The following TBC1D5 variants were observed in gnomAD, a reference collection of about 807,000 sequenced individuals.
TBC1D5 encodes TBC1 domain family, member 5.
A neutral mutation model predicts 100.3 loss-of-function variants in TBC1D5; 75 were observed. That is an observed-to-expected ratio of 0.75 (90% CI 0.62 to 0.91). The LOEUF is 0.91. Among genes scored for constraint, TBC1D5 ranks in the 40% least tolerant of loss-of-function variants. TBC1D5 has a pLI of 0.00. For missense variants in TBC1D5, 910 were observed against 942.4 expected, an observed-to-expected ratio of 0.97 and a Z score of 0.45; for synonymous variants, 323 against 325.6, an observed-to-expected ratio of 0.99 and a Z score of 0.09.
At chr3:17,543,546 G>C (rs998958594) in intron 2 of TBC1D5, among the ~76,000 whole-genome samples, 1 of 152,114 alleles carries the variant, frequency 6.6e-6, no homozygotes, top group African/African-American at 2.4e-5. Flanking sequence ...ACAAAGGTGG[G>C]AGGACTGATT....
chr3:17,291,839 A>C, intron 15 of TBC1D5, 56 bp downstream of exon 15: 2 of 1,474,140 alleles, frequency 1.4e-6, no homozygotes, highest in African/African-American at 1.4e-5. Flanking sequence ...CTCTACACAG[A>C]GAAGCCTATT....
intron 1 of TBC1D5, among the ~76,000 whole-genome samples, chr3:17,717,886 TA>T (rs2075365986): frequency 6.6e-6 from 1 of 152,218 alleles, no homozygotes; most frequent in African/African-American, 2.4e-5. Context: ...TTGATATTTT[TA>T]ATTTTTTTTT....
At chr3:17,615,177 G>A (rs1161825678) in intron 2 of TBC1D5, among the ~76,000 whole-genome samples, 2 of 152,164 alleles carry the variant, frequency 1.3e-5, no homozygotes, top group African/African-American at 4.8e-5. Flanking sequence ...TTTATGTGAT[G>A]AATTACTTTT....
intron 1 of TBC1D5, among the ~76,000 whole-genome samples, chr3:17,703,188 G>C (rs2073451156): frequency 6.6e-6 from 1 of 150,986 alleles, no homozygotes; most frequent in South Asian, 2.1e-4. Flanking sequence ...CTGATATAAA[G>C]AAAAAGAAAA....
At chr3:17,197,031 T>G (rs560240008) in intron 18 of TBC1D5, among the ~76,000 whole-genome samples, 1 of 152,272 alleles carries the variant, frequency 6.6e-6, no homozygotes, top group African/African-American at 2.4e-5. Context: ...AATGCCTACA[T>G]GCATGCAACA....
chr3:17,705,438 C>T (rs1248645382), intron 1 of TBC1D5, among the ~76,000 whole-genome samples: 1 of 147,936 alleles, frequency 6.8e-6, no homozygotes. Flanking sequence ...GGAGAGGCTC[C>T]TCACTTCTCA....
chr3:17,702,709 A>G (rs2073384736), intron 1 of TBC1D5, among the ~76,000 whole-genome samples: 3 of 152,146 alleles, frequency 2.0e-5, no homozygotes, highest in Non-Finnish European at 4.4e-5. Context: ...TTGATGAACA[A>G]AATTTAGCAA....
At position 17,724,844 on chromosome 3, in the gene TBC1D5, A is replaced by G. The variant is rs540143413; in HGVS notation, c.-101+14499T>C. On this transcript the variant is annotated intron_variant, in intron 1 of 21. Coordinates refer to ENST00000253692, the Ensembl canonical transcript of TBC1D5. ...CTTTTTGCCCATTTCCTTCTCTGTG[A>G]TACATTCTGGATAATTTCTTCACTC... Among the ~76,000 whole-genome samples, 60 of 152,090 alleles carry G rather than the reference A, an allele frequency of 3.9e-4. No individual in the cohort carries two copies. The Middle Eastern group carries it at 0.01, about 26-fold the overall frequency.
intron 1 of TBC1D5, among the ~76,000 whole-genome samples, chr3:17,728,322 G>C (rs2076283600): frequency 6.6e-6 from 1 of 152,102 alleles, no homozygotes; most frequent in Admixed American, 6.5e-5. Flanking sequence ...ATATTAGAAA[G>C]GAAGATGGAA....
chr3:17,241,502 T>G (rs1272807434), intron 16 of TBC1D5, among the ~76,000 whole-genome samples: 1 of 152,196 alleles, frequency 6.6e-6, no homozygotes, highest in Non-Finnish European at 1.5e-5. Context: ...ATTACTATTG[T>G]CTATCTACTG....
At chr3:17,258,978 G>C (rs893970468) in intron 15 of TBC1D5, among the ~76,000 whole-genome samples, 1 of 152,202 alleles carries the variant, frequency 6.6e-6, no homozygotes, top group Middle Eastern at 3.4e-3. Flanking sequence ...CTGCATTTCG[G>C]GGGAAGAGAA....
At chr3:17,348,631 G>A (rs1026733090) in intron 13 of TBC1D5, among the ~76,000 whole-genome samples, 3 of 151,882 alleles carry the variant, frequency 2.0e-5, no homozygotes, top group Non-Finnish European at 4.4e-5. Context: ...TCATTCATGG[G>A]GTCAATCTAC....
intron 1 of TBC1D5, among the ~76,000 whole-genome samples, chr3:17,629,935 T>C (rs1226180643): frequency 6.6e-6 from 1 of 152,196 alleles, no homozygotes; most frequent in Non-Finnish European, 1.5e-5. Flanking sequence ...TGTGATAATT[T>C]GTACAGAAGT....
In TBC1D5 at chr3:17,187,062, C is replaced by T. The variant is rs552901770; in HGVS notation, c.1753-1854G>A. ...CTTGTTTCTGAACAGGCTTGAATTT[C>T]CCTCGTTATCACAGGAAACTGTAGG... On this transcript the variant is annotated intron_variant, in intron 18 of 21. Transcript: ENST00000253692. Among the ~76,000 whole-genome samples the T allele has an allele frequency of 2.0e-5, 3 of 152,176 alleles. 1 individual carries two copies. The highest frequency in any genetic ancestry group is 4.2e-4 in the South Asian group (2 of 4,812).
At chr3:17,675,572 T>C (rs996583099) in intron 1 of TBC1D5, among the ~76,000 whole-genome samples, 1 of 152,128 alleles carries the variant, frequency 6.6e-6, no homozygotes, top group Non-Finnish European at 1.5e-5. Flanking sequence ...TAATTTTAAC[T>C]TATATGAAAG....
At chr3:17,232,235 C>T (rs1576156239) in intron 17 of TBC1D5, among the ~76,000 whole-genome samples, 1 of 152,220 alleles carries the variant, frequency 6.6e-6, no homozygotes, top group Admixed American at 6.5e-5. Context: ...TCAGAATAAG[C>T]AAGCCAACTC....
At chr3:17,470,465 A>G (rs533404038) in intron 3 of TBC1D5, among the ~76,000 whole-genome samples, 83 of 152,346 alleles carry the variant, frequency 5.4e-4, no homozygotes, top group Middle Eastern at 3.4e-3. Context: ...GTTATTGAGA[A>G]ACAGAAATGG....
chr3:17,287,818 A>C (rs572365019), intron 15 of TBC1D5, among the ~76,000 whole-genome samples: 4 of 152,324 alleles, frequency 2.6e-5, no homozygotes, highest in Non-Finnish European at 4.4e-5. Context: ...TTTAGGGATG[A>C]TGGTAGGATA....
intron 14 of TBC1D5, among the ~76,000 whole-genome samples, chr3:17,304,775 C>T (rs1374049595): frequency 1.3e-5 from 2 of 152,174 alleles, no homozygotes; most frequent in African/African-American, 2.4e-5. Flanking sequence ...GGAACTCAGA[C>T]TGGTTTGAGA....
Sources: gnomAD v4.1 joint callset for allele counts (sites outside exome capture counted in the v4.1 genomes callset) on GRCh38, gnomAD v4.1.1 for gene constraint, MANE v1.5 for transcripts, NCBI Gene and HGNC (gene_info 2026-07-23, HGNC 2026-07-21) for gene names.